The following ANKAR variants were observed in gnomAD, a reference collection of about 807,000 sequenced individuals.
ANKAR encodes the protein ankyrin and armadillo repeat containing.
In ANKAR, 136 loss-of-function variants were observed where a neutral mutation model predicts 146.2. The observed-to-expected ratio is 0.93, with a 90% CI of 0.81 to 1.07. The LOEUF (loss-of-function observed/expected upper bound fraction) is 1.07. ANKAR is among the 50% of genes least tolerant of loss of function. ANKAR has a pLI of 0.00. For missense variants in ANKAR, 1,567 were observed against 1,679.9 expected (o/e 0.93, Z 1.18); for synonymous variants, 500 against 575.8 (o/e 0.87, Z 1.88).
intron 11 of ANKAR, 77 bp downstream of exon 11, chr2:189,719,890 C>G (rs529469715): frequency 2.2e-6 from 3 of 1,356,116 alleles, no homozygotes; most frequent in Non-Finnish European, 2.0e-6. Flanking sequence ...TAGAAACCCA[C>G]GTTACTATTC....
chr2:189,718,353 CACACAG>C (rs2040799298), intron 10 of ANKAR, among the ~76,000 whole-genome samples: 1 of 37,934 alleles, frequency 2.6e-5, no homozygotes, highest in Admixed American at 4.8e-4. Context: ...TATCTATCTA[CACACAG>C]ACACACACAC....
intron 2 of ANKAR, among the ~76,000 whole-genome samples, chr2:189,688,573 A>T (rs1174440712): frequency 6.6e-6 from 1 of 152,224 alleles, no homozygotes; most frequent in Non-Finnish European, 1.5e-5. Context: ...CAAGCTGGCC[A>T]TTCTGACAGG....
rs538316108 is a variant in ANKAR at position 189,714,797 on chromosome 2, T to C, written c.2224+3644T>C. ...CTGTCTCTACTAAAAGTACAAAAAA[T>C]TAGCCAGGCGTGGTGGTGGGTACCT... On this transcript the variant is annotated intron_variant, in intron 10 of 22. Transcript: ENST00000684021. Among the ~76,000 whole-genome samples the C allele has an allele frequency of 3.1e-3, 477 of 151,638 alleles. 5 individuals are homozygous for C. Among genetic ancestry groups the C allele is most frequent in the African/African-American group, 0.011 (453 of 41,398 alleles).
At chr2:189,752,927 A>C (rs779633283) in intron 18 of ANKAR, 1 of 1,613,720 alleles carries the variant, frequency 6.2e-7, no homozygotes. Context: ...ATTTGTTAAA[A>C]TTTCCAGAGC....
chr2:189,761,508 T>C (rs757930168), downstream of ANKAR: 1 of 1,613,218 alleles, frequency 6.2e-7, no homozygotes, highest in Non-Finnish European at 8.5e-7. Context: ...TCATCACAAC[T>C]AGTTTCAATT....
downstream of ANKAR, chr2:189,746,670 A>C (rs2044206664): frequency 1.3e-6 from 2 of 1,529,822 alleles, no homozygotes; most frequent in Admixed American, 2.3e-5. Flanking sequence ...CATCTTTTAA[A>C]AATTTTTTTA....
chr2:189,737,964 C>A, intron 18 of ANKAR, 123 bp downstream of exon 18: 1 of 871,836 alleles, frequency 1.1e-6, no homozygotes. Flanking sequence ...GTACTTTGCA[C>A]ATAAGCCCCT....
chr2:189,732,684 A>AG, intron 16 of ANKAR, among the ~76,000 whole-genome samples: 1 of 125,504 alleles, frequency 8.0e-6, no homozygotes, highest in African/African-American at 2.9e-5. Flanking sequence ...AAAAAAAAAA[A>AG]GGTGCTGCAT....
At chr2:189,697,399 A>G (rs1300864916) in intron 7 of ANKAR, among the ~76,000 whole-genome samples, 4 of 152,118 alleles carry the variant, frequency 2.6e-5, no homozygotes, top group African/African-American at 9.7e-5. Flanking sequence ...CAATATTGGC[A>G]ATAAGAAGTG....
rs767278799 is a variant in ANKAR, at chr2:189,746,403, A to C, written c.4081A>C (p.Lys1361Gln). 3.7e-6 allele frequency: 6 copies of C among 1,606,462 alleles called. No homozygotes were observed. Among genetic ancestry groups the C allele is most frequent in the Non-Finnish European group, 5.1e-6 (6 of 1,178,012 alleles). The change falls in exon 23 of 23, where the codon AAA becomes CAA. Residue 1361 changes from lysine to glutamine, a missense_variant. By Grantham distance (53) the Lys-to-Gln change is moderately conservative (BLOSUM62 1). Transcript: ENST00000684021. ...AGGGAAGGAGCACCGAAGAAAATTAAAACCTAAAATTCAACCAAAAGATTC... is the reference window on the plus strand; with the variant it reads ...AGGGAAGGAGCACCGAAGAAAATTACAACCTAAAATTCAACCAAAAGATTC... ...KRGKEHRRKLKPKIQPKDSLT... is the reference protein window; with the variant it reads ...KRGKEHRRKLQPKIQPKDSLT...
Position 189,743,264 on chromosome 2 carries a change from T to C in ANKAR, c.3811-11T>C, listed in dbSNP as rs1333238292. 1.2e-6 allele frequency: 2 copies of C among 1,609,040 alleles called. No homozygotes were observed. The highest frequency in any genetic ancestry group is 1.1e-5 in the South Asian group (1 of 90,426). ...GCCCACTGGTTAAGAAAGAATTGTTTCTTCATTTAGGTTCGTGCAGCTTGT... is the reference window on the plus strand; with the variant it reads ...GCCCACTGGTTAAGAAAGAATTGTTCCTTCATTTAGGTTCGTGCAGCTTGT... On this transcript the variant is annotated splice_polypyrimidine_tract_variant and intron_variant, in intron 20 of 22. Coordinates refer to ENST00000684021, the MANE Select transcript of ANKAR (RefSeq NM_001378068.1).
intron 2 of ANKAR, among the ~76,000 whole-genome samples, chr2:189,678,551 A>G (rs2034135106): frequency 6.6e-6 from 1 of 152,224 alleles, no homozygotes; most frequent in East Asian, 1.9e-4. Context: ...TATCTTCTAC[A>G]ATTTTTATGG....
In ANKAR at chr2:189,696,309, T is replaced by C. The variant is rs770561031; in HGVS notation, c.1648T>C (p.Cys550Arg). 4 of 1,614,116 alleles carry C rather than the reference T, an allele frequency of 2.5e-6. No individual in the cohort carries two copies. Among genetic ancestry groups the C allele is most frequent in the South Asian group, 2.2e-5 (2 of 91,086 alleles). ...CCTGCACAACAGAGTTTCTATTATATGTCAACTGTGCAATGCTAACTTCAA... is the reference window on the plus strand; with the variant it reads ...CCTGCACAACAGAGTTTCTATTATACGTCAACTGTGCAATGCTAACTTCAA... Reference protein sequence around the residue: ...AALHNRVSIICQLCNANFKVN... With the variant: ...AALHNRVSIIRQLCNANFKVN... Residue 550 changes from cysteine (C) to arginine (R), a missense_variant, in exon 7 of 23, where the codon TGT (cysteine) becomes CGT (arginine). Physicochemically the swap from Cys to Arg is radical, Grantham distance 180. Transcript: ENST00000684021.
At chr2:189,738,398 AC>A (rs2105883768) in intron 18 of ANKAR, among the ~76,000 whole-genome samples, 166 bp from the exon 19 acceptor site, 1 of 152,048 alleles carries the variant, frequency 6.6e-6, no homozygotes, top group Admixed American at 6.6e-5. Flanking sequence ...AGGGACAAAT[AC>A]TCTAACTCTC....
rs745502581 is a variant in ANKAR, at chr2:189,689,672, C to G, written c.747C>G (p.Phe249Leu). 1.8e-5 allele frequency: 29 copies of G among 1,613,504 alleles called. No homozygotes were observed. Among genetic ancestry groups the G allele is most frequent in the Non-Finnish European group, 2.2e-5 (26 of 1,179,792 alleles). ...AAAATATTATGCTAAAGTTAACATTCAGTACCACACAAATTCAACAGTATG... is the reference window on the plus strand; with the variant it reads ...AAAATATTATGCTAAAGTTAACATTGAGTACCACACAAATTCAACAGTATG... ...YAENIMLKLT[F>L]STTQIQQYEN... is the part of the protein sequence containing the mutation. Residue 249 changes from phenylalanine to leucine, a missense_variant, in exon 3 of 23, where the codon TTC becomes TTG. Transcript: ENST00000684021.
intron 12 of ANKAR, among the ~76,000 whole-genome samples, chr2:189,722,536 A>ATATTTT (rs2041404790): frequency 6.6e-6 from 1 of 152,096 alleles, no homozygotes; most frequent in Non-Finnish European, 1.5e-5. Flanking sequence ...GCTGTAACAA[A>ATATTTT]GTACAAATTG....
rs1211829197 is a variant in ANKAR at position 189,688,637 on chromosome 2, A to G, written c.602-890A>G. 4.6e-5 allele frequency among the ~76,000 whole-genome samples: 7 copies of G among 152,330 alleles called. No individual in the cohort carries two copies. The East Asian group carries it at 1.3e-3, about 29-fold the overall frequency. On this transcript the variant is annotated intron_variant, in intron 2 of 22. Coordinates refer to ENST00000684021, the MANE Select transcript of ANKAR (RefSeq NM_001378068.1). ...GAATTTAAGCTGAACTGTTTGGCCA[A>G]GTATACATATTCAGGTATAGATATG...
intron 10 of ANKAR, among the ~76,000 whole-genome samples, chr2:189,719,329 T>A (rs2040965620): frequency 6.6e-6 from 1 of 152,176 alleles, no homozygotes; most frequent in African/African-American, 2.4e-5. Flanking sequence ...TAATATAAAA[T>A]GTTTGATCAT....
chr2:189,704,569 AT>A (rs1157528973), intron 7 of ANKAR, among the ~76,000 whole-genome samples: 2 of 112,148 alleles, frequency 1.8e-5, no homozygotes, highest in Non-Finnish European at 3.8e-5. Context: ...ATATATATAT[AT>A]ATATATATAT....
Sources: gnomAD v4.1 joint callset for allele counts (sites outside exome capture counted in the v4.1 genomes callset) on GRCh38, gnomAD v4.1.1 for gene constraint, MANE v1.5 for transcripts, NCBI Gene and HGNC (gene_info 2026-07-23, HGNC 2026-07-21) for gene names.